The following KLHL29 variants were observed in gnomAD, a reference collection of about 807,000 sequenced individuals.
KLHL29 encodes the protein kelch-like protein 29.
KLHL29 carries 21 observed loss-of-function variants against 80.4 expected under a neutral mutation model. The observed-to-expected ratio is 0.26, with a 90% CI of 0.19 to 0.38. KLHL29 has a LOEUF of 0.38. Among genes scored for constraint, KLHL29 ranks in the 10% least tolerant of loss-of-function variants. KLHL29 has a pLI of 1.00. For missense variants in KLHL29, 867 were observed against 1,223.9 expected, an observed-to-expected ratio of 0.71 and a Z score of 4.35; for synonymous variants, 511 against 526.8, an observed-to-expected ratio of 0.97 and a Z score of 0.41.
At chr2:23,460,717 C>T (rs997752844) in intron 1 of KLHL29, among the ~76,000 whole-genome samples, 2 of 150,602 alleles carry the variant, frequency 1.3e-5, no homozygotes, top group African/African-American at 2.4e-5. Flanking sequence ...AGGAGCTTCC[C>T]GTGAAGGGAG....
intron 5 of KLHL29, chr2:23,643,958 C>CAAAA (rs1669849109): frequency 6.6e-6 from 1 of 150,884 alleles, no homozygotes; most frequent in Admixed American, 6.6e-5. Context: ...CTCTGCCTTT[C>CAAAA]GGCAGAGCAA....
intron 2 of KLHL29, among the ~76,000 whole-genome samples, chr2:23,484,219 C>T (rs908861458): frequency 4.6e-5 from 7 of 152,138 alleles, no homozygotes; most frequent in Non-Finnish European, 8.8e-5. Flanking sequence ...TCATGACAGC[C>T]GCCAATACCT....
At chr2:23,539,308 G>A (rs1391457982) in intron 2 of KLHL29, among the ~76,000 whole-genome samples, 1 of 151,814 alleles carries the variant, frequency 6.6e-6, no homozygotes, top group South Asian at 2.1e-4. Context: ...TTTTATTCTT[G>A]TTTAAGATTG....
chr2:23,527,439 C>G (rs988088135), intron 2 of KLHL29, among the ~76,000 whole-genome samples: 1 of 152,206 alleles, frequency 6.6e-6, no homozygotes, highest in Non-Finnish European at 1.5e-5. Context: ...ATCCCTTCTG[C>G]CTGCTCAGAG....
At chr2:23,487,339 G>A (rs1266620623) in intron 2 of KLHL29, among the ~76,000 whole-genome samples, 2 of 152,152 alleles carry the variant, frequency 1.3e-5, no homozygotes, top group Non-Finnish European at 2.9e-5. Context: ...CTGGAGAGAG[G>A]GGCAGGAGGG....
At chr2:23,631,590 C>T (rs1418923447) in intron 3 of KLHL29, among the ~76,000 whole-genome samples, 2 of 152,196 alleles carry the variant, frequency 1.3e-5, no homozygotes, top group African/African-American at 2.4e-5. Context: ...AGGGCAGCCT[C>T]GTTAATGAGG....
chr2:23,661,872 C>G (rs1670418080), intron 5 of KLHL29, among the ~76,000 whole-genome samples: 1 of 152,240 alleles, frequency 6.6e-6, no homozygotes, highest in African/African-American at 2.4e-5. Flanking sequence ...ACGGTGCCTG[C>G]CCTTGTATAG....
At chr2:23,494,461 C>T (rs1428978973) in intron 2 of KLHL29, among the ~76,000 whole-genome samples, 3 of 152,288 alleles carry the variant, frequency 2.0e-5, no homozygotes, top group Middle Eastern at 3.4e-3. Flanking sequence ...GGAACAGGCA[C>T]GCCACAGGCC....
chr2:23,699,739 A>G (rs1002884079), intron 11 of KLHL29, among the ~76,000 whole-genome samples: 9 of 151,968 alleles, frequency 5.9e-5, no homozygotes, highest in African/African-American at 2.2e-4. Flanking sequence ...ATCCCACCCC[A>G]TAACACACTG....
intron 2 of KLHL29, among the ~76,000 whole-genome samples, chr2:23,546,324 G>A (rs929663029): frequency 6.6e-6 from 1 of 152,232 alleles, no homozygotes; most frequent in African/African-American, 2.4e-5. Context: ...TGCAGAATGA[G>A]GGCTAGAAAA....
At chr2:23,605,386 C>T (rs1042011053) in intron 3 of KLHL29, among the ~76,000 whole-genome samples, 1 of 152,030 alleles carries the variant, frequency 6.6e-6, no homozygotes, top group African/African-American at 2.4e-5. Flanking sequence ...GCATGAGCCA[C>T]CACACCCCGC....
intron 2 of KLHL29, among the ~76,000 whole-genome samples, chr2:23,518,005 C>A (rs1034656719): frequency 5.9e-5 from 9 of 152,338 alleles, no homozygotes; most frequent in Admixed American, 2.0e-4. Flanking sequence ...GATGAGAAGT[C>A]CCCTTTCCCA....
chr2:23,518,710 G>A (rs756318770), intron 2 of KLHL29, among the ~76,000 whole-genome samples: 10 of 152,112 alleles, frequency 6.6e-5, no homozygotes, highest in Admixed American at 3.9e-4. Context: ...ACTGGGCCTG[G>A]TCCACAGCTG....
intron 2 of KLHL29, among the ~76,000 whole-genome samples, chr2:23,531,078 A>C (rs1470722894): frequency 6.6e-6 from 1 of 152,086 alleles, no homozygotes; most frequent in African/African-American, 2.4e-5. Flanking sequence ...TGACACCTGG[A>C]TGCACAGTGA....
At chr2:23,656,074 C>T (rs961129007) in intron 5 of KLHL29, among the ~76,000 whole-genome samples, 6 of 152,148 alleles carry the variant, frequency 3.9e-5, no homozygotes, top group African/African-American at 9.7e-5. Context: ...AAAGACTGGC[C>T]GTGTTATAAA....
chr2:23,698,916 G>A lies in KLHL29; in HGVS notation c.2105+2403G>A, dbSNP rs1025719928. On this transcript the variant is annotated intron_variant, in intron 11 of 13. Transcript: ENST00000486442. ...CATACTGAAAGACTGAGGACTAACAGCCACATAATCTTCCACTGTCTCCCA... is the reference window on the plus strand; with the variant it reads ...CATACTGAAAGACTGAGGACTAACAACCACATAATCTTCCACTGTCTCCCA... Among the ~76,000 whole-genome samples the A allele has an allele frequency of 2.0e-5, 3 of 152,192 alleles. No individual in the cohort carries two copies. The South Asian group carries it at 6.2e-4, about 32-fold the overall frequency.
At chr2:23,418,569 G>A (rs764328716) in intron 1 of KLHL29, among the ~76,000 whole-genome samples, 6 of 152,116 alleles carry the variant, frequency 3.9e-5, no homozygotes, top group African/African-American at 9.7e-5. Flanking sequence ...TCTCCTCCAC[G>A]GACTGTTGCT....
chr2:23,523,850 T>C, intron 2 of KLHL29: 1 of 360,832 alleles, frequency 2.8e-6, no homozygotes, highest in Non-Finnish European at 5.9e-6. Flanking sequence ...AACAAGCTTC[T>C]CTTCCAAGTG....
intron 1 of KLHL29, among the ~76,000 whole-genome samples, chr2:23,419,008 G>C (rs1662697509): frequency 6.6e-6 from 1 of 152,098 alleles, no homozygotes; most frequent in Admixed American, 6.5e-5. Flanking sequence ...AGTACTGTTA[G>C]GATTCATTAC....
Sources: allele counts gnomAD v4.1 joint callset (sites outside exome capture counted in the v4.1 genomes callset), GRCh38; gene constraint gnomAD v4.1.1; transcripts MANE v1.5; gene names NCBI Gene and HGNC (gene_info 2026-07-23, HGNC 2026-07-21).